PLEKHG1: variants seen among roughly 807,000 people sequenced by gnomAD.
The protein encoded by PLEKHG1 is pleckstrin homology and RhoGEF domain containing G1.
In PLEKHG1, 44 loss-of-function variants were observed where a neutral mutation model predicts 100.8. The observed-to-expected ratio is 0.44, with a 90% CI of 0.34 to 0.56. The LOEUF is 0.56. PLEKHG1 is among the 20% of genes least tolerant of loss of function. PLEKHG1 has a pLI of 0.01. For synonymous variants in PLEKHG1, 640 were observed against 662.5 expected (o/e 0.97, Z 0.52); for missense variants, 1,545 against 1,720.9 (o/e 0.90, Z 1.81).
intron 4 of PLEKHG1, 31 bp from the exon 6 acceptor site, chr6:150,795,825 G>T (rs201391310): frequency 2.6e-5 from 36 of 1,393,792 alleles, no homozygotes; most frequent in African/African-American, 2.6e-4. Flanking sequence ...GTGCTTTGTT[G>T]CCTATAAAAA....
intron 10 of PLEKHG1, among the ~76,000 whole-genome samples, chr6:150,810,531 A>G (rs1019370653): frequency 0.1 from 10,567 of 102,982 alleles, 587 homozygotes; most frequent in Middle Eastern, 0.16. Context: ...AGAAAGAAAG[A>G]AAGAAAGGAA....
chr6:150,743,811 T>C (rs1783008408), intron 2 of PLEKHG1, among the ~76,000 whole-genome samples: 1 of 152,116 alleles, frequency 6.6e-6, no homozygotes. Context: ...TGTGAAATTA[T>C]TTAACACCAT....
At chr6:150,795,706 G>A (rs1325899689) in intron 4 of PLEKHG1, 150 bp from the exon 6 acceptor site, 2 of 344,878 alleles carry the variant, frequency 5.8e-6, no homozygotes, top group Non-Finnish European at 1.0e-5. Flanking sequence ...TGGCCAACAA[G>A]AGCAAAACTC....
intron 3 of PLEKHG1, among the ~76,000 whole-genome samples, chr6:150,688,694 A>G (rs1333539639): frequency 6.6e-6 from 1 of 152,198 alleles, no homozygotes; most frequent in African/African-American, 2.4e-5. Context: ...AAATTTCTGT[A>G]ACAATATTCA....
At chr6:150,820,590 C>T (rs941769994) in intron 12 of PLEKHG1, among the ~76,000 whole-genome samples, 1 of 152,040 alleles carries the variant, frequency 6.6e-6, no homozygotes, top group Non-Finnish European at 1.5e-5. Context: ...TAAGGCCGGG[C>T]GCGGTGGCTC....
chr6:150,695,626 G>A (rs1273155732), intron 3 of PLEKHG1, among the ~76,000 whole-genome samples: 7 of 152,168 alleles, frequency 4.6e-5, no homozygotes, highest in African/African-American at 1.7e-4. Flanking sequence ...CGGGAACAAT[G>A]GAATTCTCCT....
intron 3 of PLEKHG1, among the ~76,000 whole-genome samples, chr6:150,656,031 G>A (rs2128577414): frequency 6.6e-6 from 1 of 151,966 alleles, no homozygotes. Flanking sequence ...GACCGACATG[G>A]CACGTGTATA....
intron 4 of PLEKHG1, among the ~76,000 whole-genome samples, chr6:150,792,215 G>T (rs1786022824): frequency 6.6e-6 from 1 of 151,956 alleles, no homozygotes; most frequent in Non-Finnish European, 1.5e-5. Flanking sequence ...AAATTAGCCG[G>T]GCGTGGTGAT....
intron 10 of PLEKHG1, among the ~76,000 whole-genome samples, chr6:150,811,295 G>T (rs1368554888): frequency 6.6e-6 from 1 of 151,168 alleles, no homozygotes; most frequent in South Asian, 2.1e-4. Flanking sequence ...TTAAAGACAG[G>T]ATCTTACTCT....
chr6:150,752,493 C>G (rs778270749), intron 2 of PLEKHG1, among the ~76,000 whole-genome samples: 1 of 152,178 alleles, frequency 6.6e-6, no homozygotes, highest in Admixed American at 6.5e-5. Flanking sequence ...CTTTCTGTCT[C>G]TCTGAATTTG....
At chr6:150,746,389 C>T (rs1377252453) in intron 2 of PLEKHG1, among the ~76,000 whole-genome samples, 1 of 152,170 alleles carries the variant, frequency 6.6e-6, no homozygotes, top group Non-Finnish European at 1.5e-5. Context: ...ATAGGTTTCA[C>T]CGCTTCTTCC....
intron 3 of PLEKHG1, among the ~76,000 whole-genome samples, chr6:150,674,684 C>CTCCCCCTCTCTCT (rs1562427910): frequency 1.4e-5 from 1 of 73,360 alleles, no homozygotes; most frequent in African/African-American, 5.8e-5. Flanking sequence ...TCTCTCTCTC[C>CTCCCCCTCTCTCT]CCCCTCTTCT....
At chr6:150,778,542 G>C (rs1210902893) in intron 3 of PLEKHG1, among the ~76,000 whole-genome samples, 1 of 152,048 alleles carries the variant, frequency 6.6e-6, no homozygotes, top group Non-Finnish European at 1.5e-5. Context: ...CCCAGCCTCA[G>C]TTGCTCTCTA....
Position 150,629,822 on chromosome 6 carries a change from C to T in PLEKHG1, c.-203-8258C>T, listed in dbSNP as rs539715621. On this transcript the variant is annotated intron_variant, in intron 1 of 3. Transcript: ENST00000367326. ...TTCTATGATGTATTTCCTTTGATGA[C>T]AAGAAATCAGACCAAAATAATAATG... 3.0e-4 allele frequency among the ~76,000 whole-genome samples: 45 copies of T among 152,168 alleles called. No homozygotes were observed. In the East Asian group the frequency reaches 6.6e-3, roughly 22 times the overall value.
At chr6:150,703,083 C>G (rs887793819) in intron 3 of PLEKHG1, among the ~76,000 whole-genome samples, 2 of 152,110 alleles carry the variant, frequency 1.3e-5, no homozygotes, top group Non-Finnish European at 2.9e-5. Context: ...AAAAAATGGC[C>G]AAGGTACTTG....
At chr6:150,699,611 A>G (rs115782930) in intron 3 of PLEKHG1, among the ~76,000 whole-genome samples, 1,604 of 152,320 alleles carry the variant, frequency 0.011, 27 homozygotes, top group African/African-American at 0.035. Context: ...GCGATGTTCT[A>G]TGAGCCCTTA....
At chr6:150,725,050 A>G (rs1231059869) in intron 1 of PLEKHG1, among the ~76,000 whole-genome samples, 20 of 152,192 alleles carry the variant, frequency 1.3e-4, no homozygotes, top group Non-Finnish European at 2.9e-4. Context: ...AAAATAGCTT[A>G]AACTGGGTGA....
intron 3 of PLEKHG1, among the ~76,000 whole-genome samples, chr6:150,651,436 G>T (rs987366988): frequency 6.6e-6 from 1 of 152,060 alleles, no homozygotes; most frequent in African/African-American, 2.4e-5. Flanking sequence ...GTTTCACCAC[G>T]TTGGCCAGGC....
At chr6:150,728,316 C>T (rs551978211) in intron 1 of PLEKHG1, among the ~76,000 whole-genome samples, 3 of 152,162 alleles carry the variant, frequency 2.0e-5, no homozygotes, top group South Asian at 2.1e-4. Context: ...AAAATGATGC[C>T]GGGGCAGTGG....
Sources: allele counts gnomAD v4.1 joint callset (sites outside exome capture counted in the v4.1 genomes callset), GRCh38; gene constraint gnomAD v4.1.1; transcripts MANE v1.5; gene names NCBI Gene and HGNC (gene_info 2026-07-23, HGNC 2026-07-21).